TRAM2: variants seen among roughly 807,000 people sequenced by gnomAD.
The protein encoded by TRAM2 is translocation associated membrane protein 2, also known as translocating chain-associated membrane protein 2.
TRAM2 carries 12 observed loss-of-function variants against 51.0 expected under a neutral mutation model. That is an observed-to-expected ratio of 0.24 (90% CI 0.15 to 0.38). TRAM2 has a LOEUF of 0.38. TRAM2 is among the 10% of genes least tolerant of loss of function. The probability of loss-of-function intolerance (pLI) is 1.00; values close to 1 mark genes in which losing one functional copy is unlikely to be tolerated. For missense variants in TRAM2, 361 were observed against 462.0 expected, an observed-to-expected ratio of 0.78 and a Z score of 2.00; for synonymous variants, 175 against 179.4, an observed-to-expected ratio of 0.98 and a Z score of 0.20.
intron 1 of TRAM2, among the ~76,000 whole-genome samples, chr6:52,542,357 G>C (rs1767117471): frequency 6.6e-6 from 1 of 151,414 alleles, no homozygotes; most frequent in Admixed American, 6.6e-5. Flanking sequence ...CCAGGTATGT[G>C]GTCGGGGTGT....
chr6:52,564,808 G>A (rs997820933), intron 1 of TRAM2, among the ~76,000 whole-genome samples: 1 of 152,208 alleles, frequency 6.6e-6, no homozygotes, highest in East Asian at 1.9e-4. Flanking sequence ...AGACAGAGGT[G>A]GGGAGAAAGG....
At position 52,516,432 on chromosome 6, in the gene TRAM2, CTGTCCCA is replaced by C; in HGVS notation, c.294+189_294+195del. The C allele has an allele frequency of 5.3e-5, 32 of 608,082 alleles. 1 individual carries two copies. Among genetic ancestry groups the C allele is most frequent in the South Asian group, 5.1e-4 (26 of 50,992 alleles). The allele number at this position is 608,082 out of a possible 1,614,324, so 37.7% of individuals were successfully genotyped here. On this transcript the variant is annotated intron_variant, in intron 3 of 10. Transcript: ENST00000182527. ...CTTTCTCTCTGTGTAATAAATACTG[CTGTCCCA>C]TGTGCTGATTAAAGGAGGCTGTGAA...
intron 2 of TRAM2, among the ~76,000 whole-genome samples, chr6:52,526,711 A>AT (rs1766788104): frequency 6.6e-6 from 1 of 152,152 alleles, no homozygotes. Flanking sequence ...TTGATGCACC[A>AT]TTCCTTTTTA....
intron 9 of TRAM2, 84 bp from the exon 10 acceptor site, chr6:52,504,838 G>C (rs2114059210): frequency 6.0e-6 from 8 of 1,327,684 alleles, no homozygotes; most frequent in Non-Finnish European, 8.3e-6. Flanking sequence ...ACAAGGGCCA[G>C]GGGCCCTGCA....
At chr6:52,539,725 G>A (rs2268724) in intron 1 of TRAM2, among the ~76,000 whole-genome samples, 15,405 of 152,126 alleles carry the variant, frequency 0.1, 1,369 homozygotes, top group East Asian at 0.49. Flanking sequence ...AGAACAGAGC[G>A]GCACTCAGCA....
At position 52,502,987 on chromosome 6, in the gene TRAM2, T is replaced by C. The variant is rs1290156388; in HGVS notation, c.*210A>G. ...GGCCTGAGGGGGAGAAAGAGAAAGA[T>C]TTTTGGCTTTATTGAGAATGGTTTG... On this transcript the variant is annotated 3_prime_UTR_variant, in exon 11 of 11. Coordinates refer to ENST00000182527, the MANE Select transcript of TRAM2 (RefSeq NM_012288.4). 3 of 601,322 alleles carry C rather than the reference T, an allele frequency of 5.0e-6. No individual in the cohort carries two copies. The highest frequency in any genetic ancestry group is 1.9e-5 in the African/African-American group (1 of 53,758). 37.2% of individuals were successfully genotyped at this position (601,322 alleles called of 1,614,324 possible). A position where few individuals can be genotyped will look rare whatever the true frequency, so the allele number is the denominator to read the frequency against.
intron 2 of TRAM2, among the ~76,000 whole-genome samples, chr6:52,521,693 C>T (rs368709743): frequency 5.3e-5 from 8 of 150,406 alleles, no homozygotes; most frequent in African/African-American, 2.0e-4. Flanking sequence ...CGAGAGACTC[C>T]ATCTCAAAAA....
chr6:52,549,680 C>T (rs1767275032), intron 1 of TRAM2, among the ~76,000 whole-genome samples: 1 of 152,088 alleles, frequency 6.6e-6, no homozygotes, highest in African/African-American at 2.4e-5. Context: ...CCTCTTGGTC[C>T]CTGAGGGCTA....
At chr6:52,564,523 C>T (rs1309452460) in intron 1 of TRAM2, among the ~76,000 whole-genome samples, 1 of 152,102 alleles carries the variant, frequency 6.6e-6, no homozygotes, top group Admixed American at 6.5e-5. Flanking sequence ...CATCTGCCTG[C>T]CCCATGCCCC....
At position 52,576,836 on chromosome 6, in the gene TRAM2, A is replaced by G; in HGVS notation, c.80T>C (p.Phe27Ser). Residue 27 changes from phenylalanine to serine, a missense_variant, in exon 1 of 11, where the codon TTC (phenylalanine) becomes TCC (serine). Phe to Ser is a radical substitution (Grantham distance 155, BLOSUM62 -2). Coordinates refer to ENST00000182527, the MANE Select transcript of TRAM2 (RefSeq NM_012288.4). ...GATGAGGACGCAGAGCACCAGGCAG[A>G]AGCCGATGTCCGCATGGTTGTGGAT... ...FVIHNHADIGFCLVLCVLIGL... is the reference protein window; with the variant it reads ...FVIHNHADIGSCLVLCVLIGL... 1 of 1,613,846 alleles carries G rather than the reference A, an allele frequency of 6.2e-7. No homozygotes were observed. Among genetic ancestry groups the G allele is most frequent in the Non-Finnish European group, 8.5e-7 (1 of 1,179,826 alleles).
intron 2 of TRAM2, among the ~76,000 whole-genome samples, chr6:52,517,585 A>C (rs1428045095): frequency 6.6e-6 from 1 of 152,280 alleles, no homozygotes; most frequent in Non-Finnish European, 1.5e-5. Context: ...ACAGAGGAGA[A>C]TCTGCATCCT....
intron 2 of TRAM2, among the ~76,000 whole-genome samples, chr6:52,526,322 A>C (rs941523011): frequency 1.3e-5 from 2 of 152,216 alleles, no homozygotes; most frequent in Admixed American, 6.5e-5. Context: ...TAAAGAAAGG[A>C]TACTTCCATG....
chr6:52,570,753 A>G (rs1423794757), intron 1 of TRAM2, among the ~76,000 whole-genome samples: 1 of 143,436 alleles, frequency 7.0e-6, no homozygotes, highest in African/African-American at 2.6e-5. Context: ...CTACAAACTC[A>G]CCAGAGGCCT....
Position 52,501,852 on chromosome 6 carries a change from G to A in TRAM2, c.*1345C>T, listed in dbSNP as rs1173519493. 6.6e-6 allele frequency: 1 copy of A among 152,112 alleles called. No homozygotes were observed. The highest frequency in any genetic ancestry group is 2.4e-5 in the African/African-American group (1 of 41,418). The allele number at this position is 152,112 out of a possible 1,614,324, so 9.4% of individuals were successfully genotyped here. A position where few individuals can be genotyped will look rare whatever the true frequency, so the allele number is the denominator to read the frequency against. On this transcript the variant is annotated 3_prime_UTR_variant, in exon 11 of 11. Transcript: ENST00000182527. ...AGCTACTGCGTCCGGCCGTAATTAG[G>A]ACCGGCTTTTTAAAGCTGAACGCCC...
At position 52,576,992 on chromosome 6, in the gene TRAM2, C is replaced by T; in HGVS notation, c.-77G>A. 2.2e-6 allele frequency: 3 copies of T among 1,334,346 alleles called. No homozygotes were observed. Among genetic ancestry groups the T allele is most frequent in the South Asian group, 3.8e-5 (2 of 53,038 alleles). 82.7% of individuals were successfully genotyped at this position (1,334,346 alleles called of 1,614,324 possible). A position where few individuals can be genotyped will look rare whatever the true frequency, so the allele number is the denominator to read the frequency against. ...GCAGCGCAAACTTCTCCAGCACCGGCCCGGTCCGCCCGCCGGCCCGCCGCC... is the reference window on the plus strand; with the variant it reads ...GCAGCGCAAACTTCTCCAGCACCGGTCCGGTCCGCCCGCCGGCCCGCCGCC... On this transcript the variant is annotated 5_prime_UTR_variant, in exon 1 of 11. Transcript: ENST00000182527.
At chr6:52,563,694 CAAAAAAAAAA>C (rs556665738) in intron 1 of TRAM2, among the ~76,000 whole-genome samples, 2 of 77,264 alleles carry the variant, frequency 2.6e-5, no homozygotes, top group Non-Finnish European at 4.7e-5. Context: ...GACTCAGCCT[CAAAAAAAAAA>C]AAAAAAAAAA....
intron 1 of TRAM2, among the ~76,000 whole-genome samples, chr6:52,570,723 C>A (rs1038679252): frequency 3.3e-5 from 5 of 151,974 alleles, no homozygotes; most frequent in Non-Finnish European, 5.9e-5. Context: ...CAGAGCAGCC[C>A]CTCTCCTAAC....
Position 52,503,001 on chromosome 6 carries a change from G to A in TRAM2, c.*196C>T. On this transcript the variant is annotated 3_prime_UTR_variant, in exon 11 of 11. Coordinates refer to ENST00000182527, the MANE Select transcript of TRAM2 (RefSeq NM_012288.4). ...AAAGAGAAAGATTTTTGGCTTTATT[G>A]AGAATGGTTTGTGGAAGAATAAGAG... 1.6e-6 allele frequency: 1 copy of A among 618,872 alleles called. No homozygotes were observed. Among genetic ancestry groups the A allele is most frequent in the Non-Finnish European group, 2.9e-6 (1 of 348,894 alleles). The allele number at this position is 618,872 out of a possible 1,614,324, so 38.3% of individuals were successfully genotyped here.
At chr6:52,565,593 A>G (rs1767577770) in intron 1 of TRAM2, among the ~76,000 whole-genome samples, 1 of 152,150 alleles carries the variant, frequency 6.6e-6, no homozygotes, top group Non-Finnish European at 1.5e-5. Flanking sequence ...ACAAAGGGAA[A>G]ATCTCACTGC....
Sources: allele counts gnomAD v4.1 joint callset (sites outside exome capture counted in the v4.1 genomes callset), GRCh38; gene constraint gnomAD v4.1.1; transcripts MANE v1.5; gene names NCBI Gene and HGNC (gene_info 2026-07-23, HGNC 2026-07-21).